The following NIPA2 variants were observed in gnomAD, a reference collection of about 807,000 sequenced individuals.
NIPA2 encodes the protein NIPA magnesium transporter 2, also known as magnesium transporter NIPA2.
Under a neutral mutation model 29.7 loss-of-function variants are expected in NIPA2, and 11 were observed. That is an observed-to-expected ratio of 0.37 (90% CI 0.23 to 0.61). The LOEUF (loss-of-function observed/expected upper bound fraction) is 0.61, where lower values mean the gene tolerates loss of function less well. Ranked by LOEUF, NIPA2 falls within the 20% of genes least tolerant of loss-of-function variation. The pLI, the probability that NIPA2 is intolerant of heterozygous loss-of-function variation, is 0.66. For missense variants in NIPA2, 426 were observed against 437.9 expected (o/e 0.97, Z 0.24); for synonymous variants, 183 against 161.9 (o/e 1.13, Z -0.99).
At chr15:22,849,946 T>G (rs1343655837) in intron 3 of NIPA2, among the ~76,000 whole-genome samples, 1 of 152,102 alleles carries the variant, frequency 6.6e-6, no homozygotes, top group Non-Finnish European at 1.5e-5. Flanking sequence ...GGCATCCTTG[T>G]ACCTTTTGAG....
intron 2 of NIPA2, among the ~76,000 whole-genome samples, chr15:22,842,838 T>TA (rs1566814974): frequency 6.7e-6 from 1 of 148,956 alleles, no homozygotes; most frequent in East Asian, 2.0e-4. Context: ...CCAAAAAAAT[T>TA]AAAAAATGCA....
intron 4 of NIPA2, among the ~76,000 whole-genome samples, chr15:22,852,467 T>TAAAAAA (rs71411211): frequency 1.5e-5 from 2 of 131,010 alleles, no homozygotes; most frequent in Non-Finnish European, 3.2e-5. Context: ...AGACTCCGTC[T>TAAAAAA]AAAAAAAAAA....
intron 7 of NIPA2, among the ~76,000 whole-genome samples, chr15:22,862,049 C>CTTTTTTTTTTTTTTTTTTTTT (rs57513456): frequency 1.3e-4 from 14 of 103,944 alleles, no homozygotes; most frequent in African/African-American, 5.3e-4. Flanking sequence ...ATGGGTCTCT[C>CTTTTTTTTTTTTTTTTTTTTT]TTTTTTTTTT....
At chr15:22,844,978 A>G (rs547161272) in intron 2 of NIPA2, among the ~76,000 whole-genome samples, 168 bp from the exon 3 acceptor site, 1 of 152,180 alleles carries the variant, frequency 6.6e-6, no homozygotes, top group Non-Finnish European at 1.5e-5. Flanking sequence ...AGCAATGGTC[A>G]CAGTTCGGAT....
At chr15:22,862,297 C>CT (rs1358650823) in intron 7 of NIPA2, among the ~76,000 whole-genome samples, 6 of 152,104 alleles carry the variant, frequency 3.9e-5, no homozygotes, top group Admixed American at 1.3e-4. Flanking sequence ...ATCCACCTGC[C>CT]TCGGCCTCCC....
Position 22,851,720 on chromosome 15 carries a change from G to A in NIPA2, c.-12G>A. On this transcript the variant is annotated 5_prime_UTR_variant, in exon 4 of 8. Transcript: ENST00000337451. ...AATGTGATTCACAGGAACTCCTTAA[G>A]TAACAAACGAAATGAGCCAGGGGCG... 1 of 1,604,620 alleles carries A rather than the reference G, an allele frequency of 6.2e-7. No homozygotes were observed. The highest frequency in any genetic ancestry group is 8.5e-7 in the Non-Finnish European group (1 of 1,176,996).
At chr15:22,846,270 C>T (rs916317102) in intron 3 of NIPA2, among the ~76,000 whole-genome samples, 11 of 152,100 alleles carry the variant, frequency 7.2e-5, no homozygotes, top group African/African-American at 2.4e-4. Flanking sequence ...CAGGCATAAG[C>T]AGCAACTGTA....
At position 22,867,377 on chromosome 15, in the gene NIPA2, C is replaced by T. The variant is rs565322588; in HGVS notation, c.*530C>T. On this transcript the variant is annotated 3_prime_UTR_variant, in exon 8 of 8. Coordinates refer to ENST00000337451, the MANE Select transcript of NIPA2 (RefSeq NM_030922.7). The stretch of plus-strand genomic sequence containing the variant: ...ACTAAGTTACTGAATGAAGGAACCT[C>T]TTTCTTACAAAACAAAAAAAAGGGC... The T allele has an allele frequency of 1.5e-5, 6 of 391,260 alleles. No homozygotes were observed. Among genetic ancestry groups the T allele is most frequent in the African/African-American group, 1.2e-4 (6 of 48,570 alleles). The allele number at this position is 391,260 out of a possible 1,614,324, so 24.2% of individuals were successfully genotyped here.
intron 7 of NIPA2, among the ~76,000 whole-genome samples, chr15:22,862,034 G>A (rs1424933425): frequency 5.6e-5 from 8 of 143,218 alleles, no homozygotes; most frequent in South Asian, 2.3e-4. Flanking sequence ...ACCATGCCTC[G>A]CCTGATGGGT....
rs530547758 is a variant in NIPA2, at chr15:22,838,894, A to C, written c.-379A>C. ...TGCCCAAGGCTGCGCCGGCGAGGGG[A>C]AGCCGCGCGGCCGGCCGGCCGACTA... On this transcript the variant is annotated 5_prime_UTR_variant, in exon 1 of 8. Coordinates refer to ENST00000337451, the MANE Select transcript of NIPA2 (RefSeq NM_030922.7). 6.6e-6 allele frequency: 1 copy of C among 152,212 alleles called. No homozygotes were observed. Among genetic ancestry groups the C allele is most frequent in the Non-Finnish European group, 1.5e-5 (1 of 68,030 alleles). 9.4% of individuals were successfully genotyped at this position (152,212 alleles called of 1,614,324 possible). A position where few individuals can be genotyped will look rare whatever the true frequency, so the allele number is the denominator to read the frequency against.
At chr15:22,860,386 GACTT>G (rs2058536620) in intron 6 of NIPA2, among the ~76,000 whole-genome samples, 1 of 152,160 alleles carries the variant, frequency 6.6e-6, no homozygotes, top group African/African-American at 2.4e-5. Flanking sequence ...ATTTCATACT[GACTT>G]CTTGCAGTGG....
At chr15:22,849,225 T>C (rs1207241445) in intron 3 of NIPA2, among the ~76,000 whole-genome samples, 2 of 152,230 alleles carry the variant, frequency 1.3e-5, no homozygotes, top group Non-Finnish European at 2.9e-5. Flanking sequence ...AACTTGAGGC[T>C]TGAGATGACC....
intron 5 of NIPA2, among the ~76,000 whole-genome samples, chr15:22,856,369 T>G (rs2058179652): frequency 6.6e-6 from 1 of 151,686 alleles, no homozygotes; most frequent in African/African-American, 2.4e-5. Context: ...ATTTCCTAAT[T>G]AGTTAAAAAG....
In NIPA2 at chr15:22,858,541, G is replaced by A. The variant is rs1254079382; in HGVS notation, c.198G>A (p.Met66Ile). 1 of 1,601,618 alleles carries A rather than the reference G, an allele frequency of 6.2e-7. No homozygotes were observed. Among genetic ancestry groups the A allele is most frequent in the African/African-American group, 1.3e-5 (1 of 74,632 alleles). ...EWLWWAGLLSMGAGEVANFAA... is the reference protein window; with the variant it reads ...EWLWWAGLLSIGAGEVANFAA... ...TTTCTTTTGTTGTCTGTCTCTAAGT[G>A]GGAGCTGGTGAGGTGGCCAACTTCG... The change falls in exon 6 of 8, where the codon ATG becomes ATA. Residue 66 changes from methionine (M) to isoleucine (I), a missense_variant and splice_region_variant. Physicochemically the swap from Met to Ile is conservative, Grantham distance 10. Coordinates refer to ENST00000337451, the MANE Select transcript of NIPA2 (RefSeq NM_030922.7).
rs377332086 is a variant in NIPA2, at chr15:22,866,329, G to A, written c.565G>A (p.Gly189Ser). 6.8e-6 allele frequency: 11 copies of A among 1,613,956 alleles called. No individual in the cohort carries two copies. The highest frequency in any genetic ancestry group is 1.3e-5 in the African/African-American group (1 of 74,948). Residue 189 changes from glycine (G) to serine (S), a missense_variant, in exon 8 of 8, where the codon GGC becomes AGC. Coordinates refer to ENST00000337451, the MANE Select transcript of NIPA2 (RefSeq NM_030922.7). ...GTACATAACAATCTGCTCTGTAATC[G>A]GCGCGTTTTCAGTCTCCTGTGTGAA... ...LVYITICSVIGAFSVSCVKGL... is the reference protein window; with the variant it reads ...LVYITICSVISAFSVSCVKGL...
At chr15:22,863,819 T>C (rs1458323540) in intron 7 of NIPA2, among the ~76,000 whole-genome samples, 1 of 152,192 alleles carries the variant, frequency 6.6e-6, no homozygotes, top group African/African-American at 2.4e-5. Flanking sequence ...AGTGTTGGGC[T>C]GATTCTTCTC....
chr15:22,866,095 A>AT (rs1187730518), intron 7 of NIPA2, 118 bp from the exon 8 acceptor site: 2 of 825,932 alleles, frequency 2.4e-6, no homozygotes, highest in Non-Finnish European at 3.7e-6. Flanking sequence ...AATAAAGCTG[A>AT]TTTTTATTTC....
At chr15:22,857,906 C>T (rs924086651) in intron 5 of NIPA2, among the ~76,000 whole-genome samples, 6 of 149,734 alleles carry the variant, frequency 4.0e-5, no homozygotes, top group Admixed American at 2.7e-4. Flanking sequence ...ACCTTCATGT[C>T]GGCTTCTTCT....
At chr15:22,850,941 TC>T (rs1240130091) in intron 3 of NIPA2, among the ~76,000 whole-genome samples, 1 of 152,220 alleles carries the variant, frequency 6.6e-6, no homozygotes, top group Non-Finnish European at 1.5e-5. Context: ...GTGCTTTAGT[TC>T]ATCTGTCAAC....
Sources: gnomAD v4.1 joint callset for allele counts (sites outside exome capture counted in the v4.1 genomes callset) on GRCh38, gnomAD v4.1.1 for gene constraint, MANE v1.5 for transcripts, NCBI Gene and HGNC (gene_info 2026-07-23, HGNC 2026-07-21) for gene names.